The following WSCD2 variants were observed in gnomAD, a reference collection of about 807,000 sequenced individuals.
WSCD2 encodes the protein WSC domain sialate O sulfotransferase 2.
Under a neutral mutation model 55.7 loss-of-function variants are expected in WSCD2, and 28 were observed. That is an observed-to-expected ratio of 0.50 (90% CI 0.37 to 0.69). The LOEUF (loss-of-function observed/expected upper bound fraction) is 0.69, where lower values mean the gene tolerates loss of function less well. Among genes scored for constraint, WSCD2 ranks in the 30% least tolerant of loss-of-function variants. The probability of loss-of-function intolerance (pLI) is 0.00; values close to 1 mark genes in which losing one functional copy is unlikely to be tolerated. For synonymous variants in WSCD2, 301 were observed against 301.9 expected, an observed-to-expected ratio of 1.00 and a Z score of 0.03; for missense variants, 616 against 762.1, an observed-to-expected ratio of 0.81 and a Z score of 2.26.
intron 1 of WSCD2, among the ~76,000 whole-genome samples, chr12:108,186,190 C>T (rs1002465783): frequency 5.3e-5 from 8 of 152,156 alleles, no homozygotes; most frequent in Admixed American, 2.0e-4. Flanking sequence ...TATTGTCCCC[C>T]CTTTTTAAAT....
Position 108,205,408 on chromosome 12 carries a change from A to C in WSCD2, c.383-881A>C, listed in dbSNP as rs562198781. ...TGAATGTCCAAATAATAATAATAAT[A>C]ATCTTAAAAAACATATGGGAAAAGA... On this transcript the variant is annotated intron_variant, in intron 2 of 8. Coordinates refer to ENST00000547525, the MANE Select transcript of WSCD2 (RefSeq NM_014653.4). Among the ~76,000 whole-genome samples the C allele has an allele frequency of 5.3e-5, 8 of 152,334 alleles. No individual in the cohort carries two copies. The South Asian group carries it at 1.2e-3, about 24-fold the overall frequency.
At chr12:108,135,166 A>ATCCG (rs368838566) in intron 1 of WSCD2, among the ~76,000 whole-genome samples, 1 of 152,098 alleles carries the variant, frequency 6.6e-6, no homozygotes, top group African/African-American at 2.4e-5. Context: ...CCATCCATCC[A>ATCCG]TCCTTCCATG....
At chr12:108,147,921 A>G (rs1293861382) in intron 1 of WSCD2, among the ~76,000 whole-genome samples, 1 of 151,788 alleles carries the variant, frequency 6.6e-6, no homozygotes, top group Non-Finnish European at 1.5e-5. Context: ...CCTACATAAG[A>G]TCTTTGGTAA....
chr12:108,159,957 A>T (rs2136936683), intron 1 of WSCD2, among the ~76,000 whole-genome samples: 1 of 152,296 alleles, frequency 6.6e-6, no homozygotes, highest in East Asian at 1.9e-4. Flanking sequence ...AGACAAAGGG[A>T]ATTTGCCCAA....
intron 1 of WSCD2, among the ~76,000 whole-genome samples, chr12:108,181,073 T>G (rs1337309735): frequency 6.6e-6 from 1 of 152,204 alleles, no homozygotes; most frequent in Non-Finnish European, 1.5e-5. Flanking sequence ...GGAACTAGCC[T>G]GTCTGACTCC....
At chr12:108,238,524 C>T (rs547061235) in intron 7 of WSCD2, among the ~76,000 whole-genome samples, 35 of 152,338 alleles carry the variant, frequency 2.3e-4, no homozygotes, top group Middle Eastern at 3.4e-3. Flanking sequence ...TTTGATGATA[C>T]GGGGCGACTT....
At chr12:108,178,900 G>T (rs911181904) in intron 1 of WSCD2, among the ~76,000 whole-genome samples, 3 of 152,146 alleles carry the variant, frequency 2.0e-5, no homozygotes, top group South Asian at 4.1e-4. Flanking sequence ...GTAGTTTGTG[G>T]TAATTATTAT....
chr12:108,222,853 C>A (rs559283682), intron 4 of WSCD2, among the ~76,000 whole-genome samples: 1 of 152,236 alleles, frequency 6.6e-6, no homozygotes, highest in African/African-American at 2.4e-5. Context: ...TATATTCCTA[C>A]TTGATTGGTC....
chr12:108,190,066 G>A (rs866719107), intron 1 of WSCD2, among the ~76,000 whole-genome samples: 1 of 152,140 alleles, frequency 6.6e-6, no homozygotes, highest in African/African-American at 2.4e-5. Flanking sequence ...AACCCTAAGA[G>A]ATAAATTATA....
At chr12:108,235,327 T>C (rs1392969011) in intron 7 of WSCD2, among the ~76,000 whole-genome samples, 7 of 152,064 alleles carry the variant, frequency 4.6e-5, no homozygotes, top group Non-Finnish European at 8.8e-5. Context: ...GCAAAGGGGG[T>C]TGGTCTCTGA....
At chr12:108,217,124 C>T (rs1441330992) in intron 4 of WSCD2, among the ~76,000 whole-genome samples, 1 of 152,236 alleles carries the variant, frequency 6.6e-6, no homozygotes, top group Admixed American at 6.5e-5. Flanking sequence ...TCCTCATGTA[C>T]AGATGAGAAA....
At chr12:108,166,765 C>CTTTT (rs1468208893) in intron 1 of WSCD2, among the ~76,000 whole-genome samples, 1 of 120,244 alleles carries the variant, frequency 8.3e-6, no homozygotes, top group Non-Finnish European at 1.8e-5. Context: ...TCTTTCTTTT[C>CTTTT]TTTCTTTCTT....
At chr12:108,171,102 C>T (rs1350726085) in intron 1 of WSCD2, among the ~76,000 whole-genome samples, 2 of 152,228 alleles carry the variant, frequency 1.3e-5, no homozygotes, top group Non-Finnish European at 2.9e-5. Context: ...ACAAGTCACT[C>T]AAATCTCTTA....
chr12:108,137,850 A>G (rs758820003), intron 1 of WSCD2, among the ~76,000 whole-genome samples: 2 of 152,210 alleles, frequency 1.3e-5, no homozygotes, highest in African/African-American at 4.8e-5. Context: ...ATTTTTCACA[A>G]TGTTGGATAA....
chr12:108,180,050 C>CCAAAAAAAAAA (rs1881478726), intron 1 of WSCD2, among the ~76,000 whole-genome samples: 1 of 116,674 alleles, frequency 8.6e-6, no homozygotes, highest in Non-Finnish European at 1.8e-5. Context: ...CTCAAAAAAA[C>CCAAAAAAAAAA]AAAAAAAAAA....
chr12:108,195,537 A>G lies in WSCD2; in HGVS notation c.-296A>G, dbSNP rs1883803184. On this transcript the variant is annotated 5_prime_UTR_variant, in exon 2 of 9. It adds an upstream start codon to the 5' untranslated region. Transcript: ENST00000547525. ...GGAACACTCTGAAGTGAAGAACAATATGTAGGAAAATGGGACCAACTTATG... is the reference window on the plus strand; with the variant it reads ...GGAACACTCTGAAGTGAAGAACAATGTGTAGGAAAATGGGACCAACTTATG... 2.5e-6 allele frequency: 1 copy of G among 401,514 alleles called. No homozygotes were observed. The highest frequency in any genetic ancestry group is 2.0e-5 in the African/African-American group (1 of 49,098). The allele number at this position is 401,514 out of a possible 1,614,324, so 24.9% of individuals were successfully genotyped here.
At chr12:108,164,159 T>TTTTTTTTTTTTTTTTTTTTTTTTTTG (rs1470930721) in intron 1 of WSCD2, among the ~76,000 whole-genome samples, 2 of 145,462 alleles carry the variant, frequency 1.4e-5, no homozygotes, top group Non-Finnish European at 3.0e-5. Flanking sequence ...TTTTTTTTTT[T>TTTTTTTTTTTTTTTTTTTTTTTTTTG]TTTCAGAGAG....
chr12:108,236,011 C>T (rs148369264), intron 7 of WSCD2, among the ~76,000 whole-genome samples: 314 of 152,308 alleles, frequency 2.1e-3, no homozygotes, highest in African/African-American at 7.2e-3. Flanking sequence ...CCGCATTTGC[C>T]ACACTGGGGC....
chr12:108,227,287 CAGGGCTGATGAACT>C, intron 6 of WSCD2, 123 bp downstream of exon 6: 1 of 1,189,458 alleles, frequency 8.4e-7, no homozygotes, highest in Non-Finnish European at 1.2e-6. Context: ...AGCCAGAGGG[CAGGGCTGATGAACT>C]CCACCAGGCT....
Sources: allele counts gnomAD v4.1 joint callset (sites outside exome capture counted in the v4.1 genomes callset), GRCh38; gene constraint gnomAD v4.1.1; transcripts MANE v1.5; gene names NCBI Gene and HGNC (gene_info 2026-07-23, HGNC 2026-07-21).